Variants in PDE3B observed in about 807,000 individuals in gnomAD.
The protein encoded by PDE3B is phosphodiesterase 3B.
In PDE3B, 66 loss-of-function variants were observed where a neutral mutation model predicts 116.8. The observed-to-expected ratio is 0.56, with a 90% CI of 0.46 to 0.69. The LOEUF is 0.69. PDE3B is among the 30% of genes least tolerant of loss of function. The pLI, the probability that PDE3B is intolerant of heterozygous loss-of-function variation, is 0.00. For synonymous variants in PDE3B, 595 were observed against 533.6 expected (o/e 1.12, Z -1.59); for missense variants, 1,384 against 1,368.1 (o/e 1.01, Z -0.18).
intron 1 of PDE3B, among the ~76,000 whole-genome samples, chr11:14,769,613 A>G (rs982801850): frequency 3.4e-5 from 5 of 147,126 alleles, no homozygotes; most frequent in African/African-American, 9.9e-5. Context: ...ATATATATAT[A>G]TTTATATTGT....
At chr11:14,882,701 G>T in the PDE3B span, among the ~76,000 whole-genome samples, 1 of 152,070 alleles carries the variant, frequency 6.6e-6, no homozygotes, top group African/African-American at 2.4e-5. Context: ...GGCAGGAGAA[G>T]GAAATAAAGG....
the PDE3B span, chr11:14,885,738 A>G: frequency 6.3e-7 from 1 of 1,592,724 alleles, no homozygotes; most frequent in South Asian, 1.1e-5. Context: ...GATTTAAAAT[A>G]TCTTAGTAAA....
At position 14,869,902 on chromosome 11, in the gene PDE3B, C is replaced by T; in HGVS notation, c.*242C>T. Reference sequence around the variant, plus strand: ...ATCCGTGTTGACCCATGTTGCAGAGCCCTTACTTAAATCCTTCACTGGTGT... The same window carrying T: ...ATCCGTGTTGACCCATGTTGCAGAGTCCTTACTTAAATCCTTCACTGGTGT... On this transcript the variant is annotated 3_prime_UTR_variant, in exon 16 of 16. Transcript: ENST00000282096. 1 of 369,352 alleles carries T rather than the reference C, an allele frequency of 2.7e-6. No homozygotes were observed. 22.9% of individuals were successfully genotyped at this position (369,352 alleles called of 1,614,324 possible).
intron 12 of PDE3B, among the ~76,000 whole-genome samples, chr11:14,854,036 A>G (rs1282775872): frequency 6.6e-6 from 1 of 152,254 alleles, no homozygotes; most frequent in African/African-American, 2.4e-5. Flanking sequence ...TATGAAGTTC[A>G]TTACAACAGA....
intron 1 of PDE3B, among the ~76,000 whole-genome samples, chr11:14,681,515 CAATT>C (rs547440173): frequency 3.9e-5 from 6 of 152,130 alleles, no homozygotes; most frequent in Non-Finnish European, 8.8e-5. Flanking sequence ...AACTGTGAGT[CAATT>C]AAACCTCTTT....
At chr11:14,845,025 GACTGCCTCCTCA>G (rs779007360) in intron 12 of PDE3B, among the ~76,000 whole-genome samples, 37 of 152,312 alleles carry the variant, frequency 2.4e-4, no homozygotes, top group Non-Finnish European at 5.0e-4. Flanking sequence ...AGAACGGGCA[GACTGCCTCCTCA>G]AGTGGGTCCC....
At chr11:14,680,767 A>G (rs7108996) in intron 1 of PDE3B, among the ~76,000 whole-genome samples, 21,390 of 146,628 alleles carry the variant, frequency 0.15, 2,209 homozygotes, top group African/African-American at 0.3. Flanking sequence ...TAAAATAAAA[A>G]TAGAAATGAC....
chr11:14,750,790 A>G (rs1188037354), intron 1 of PDE3B, among the ~76,000 whole-genome samples: 1 of 152,242 alleles, frequency 6.6e-6, no homozygotes, highest in Admixed American at 6.5e-5. Context: ...AGAAAGGAAT[A>G]CATTTTATGG....
chr11:14,800,514 G>A (rs886991020), intron 4 of PDE3B, among the ~76,000 whole-genome samples: 2 of 152,072 alleles, frequency 1.3e-5, no homozygotes, highest in African/African-American at 2.4e-5. Context: ...GGTTTCTGCC[G>A]AGAGAGATCC....
At chr11:14,709,011 T>C (rs895766902) in intron 1 of PDE3B, among the ~76,000 whole-genome samples, 8 of 152,158 alleles carry the variant, frequency 5.3e-5, no homozygotes, top group Non-Finnish European at 1.0e-4. Context: ...TTGTCAGAAA[T>C]ACTATCAATT....
intron 1 of PDE3B, among the ~76,000 whole-genome samples, chr11:14,723,836 AG>A (rs1856199189): frequency 6.6e-6 from 1 of 152,184 alleles, no homozygotes; most frequent in African/African-American, 2.4e-5. Context: ...AACTGAAAGA[AG>A]GGCAACAAGG....
chr11:14,652,824 T>G (rs756463081), intron 1 of PDE3B, among the ~76,000 whole-genome samples: 1 of 152,244 alleles, frequency 6.6e-6, no homozygotes, highest in Non-Finnish European at 1.5e-5. Flanking sequence ...TAATCATCTT[T>G]GGGATTTTGA....
chr11:14,752,948 C>T (rs1281849416), intron 1 of PDE3B, among the ~76,000 whole-genome samples: 1 of 151,944 alleles, frequency 6.6e-6, no homozygotes, highest in East Asian at 1.9e-4. Flanking sequence ...TATTCCATTG[C>T]TTTGGGATGC....
chr11:14,706,064 TGTTG>T (rs1247148543), intron 1 of PDE3B, among the ~76,000 whole-genome samples: 1 of 151,860 alleles, frequency 6.6e-6, no homozygotes, highest in Non-Finnish European at 1.5e-5. Flanking sequence ...GTTGTTAGAC[TGTTG>T]GAGTAAGTGT....
Position 14,680,503 on chromosome 11 carries a change from A to G in PDE3B, c.978+35450A>G, listed in dbSNP as rs374367452. Among the ~76,000 whole-genome samples, 131 of 152,326 alleles carry G rather than the reference A, an allele frequency of 8.6e-4. 4 individuals are homozygous for G. The South Asian group carries it at 0.025, about 29-fold the overall frequency. On this transcript the variant is annotated intron_variant, in intron 1 of 15. Coordinates refer to ENST00000282096, the MANE Select transcript of PDE3B (RefSeq NM_000922.4). The stretch of plus-strand genomic sequence containing the variant: ...CCTTCATTGGATTAACTACTGGGGC[A>G]AACAAAAGTAGAACCGGCAAGTTTG...
chr11:14,735,959 TGTG>T (rs1197052705), intron 1 of PDE3B, among the ~76,000 whole-genome samples: 25 of 19,404 alleles, frequency 1.3e-3, no homozygotes, highest in African/African-American at 1.7e-3. Flanking sequence ...AATAATAGGT[TGTG>T]TGTGTGTGTG....
At chr11:14,820,838 C>T (rs1354148622) in intron 7 of PDE3B, among the ~76,000 whole-genome samples, 1 of 152,208 alleles carries the variant, frequency 6.6e-6, no homozygotes, top group South Asian at 2.1e-4. Flanking sequence ...ATCAGACGTC[C>T]AGCTTCCCTA....
the PDE3B span, among the ~76,000 whole-genome samples, chr11:14,889,060 G>A: frequency 6.6e-6 from 1 of 152,068 alleles, no homozygotes; most frequent in African/African-American, 2.4e-5. Flanking sequence ...CTGAGGACTG[G>A]CTGTTTAACT....
intron 5 of PDE3B, among the ~76,000 whole-genome samples, chr11:14,817,848 C>A (rs552011157): frequency 2.0e-5 from 3 of 152,222 alleles, no homozygotes; most frequent in Admixed American, 2.0e-4. Flanking sequence ...GATAGGGACA[C>A]ATAGGTGAAA....
Sources: allele counts gnomAD v4.1 joint callset (sites outside exome capture counted in the v4.1 genomes callset), GRCh38; gene constraint gnomAD v4.1.1; transcripts MANE v1.5; gene names NCBI Gene and HGNC (gene_info 2026-07-23, HGNC 2026-07-21).